The following PARP12 variants were observed in gnomAD, a reference collection of about 807,000 sequenced individuals.
The protein encoded by PARP12 is poly(ADP-ribose) polymerase family member 12.
In PARP12, 59 loss-of-function variants were observed where a neutral mutation model predicts 72.4. That is an observed-to-expected ratio of 0.81 (90% CI 0.66 to 1.01). The LOEUF (loss-of-function observed/expected upper bound fraction) is 1.01, where lower values mean the gene tolerates loss of function less well. Ranked by LOEUF, PARP12 falls within the 50% of genes least tolerant of loss-of-function variation. PARP12 has a pLI of 0.00. For synonymous variants in PARP12, 403 were observed against 371.4 expected (o/e 1.09, Z -0.98); for missense variants, 851 against 914.0 (o/e 0.93, Z 0.89).
intron 7 of PARP12, among the ~76,000 whole-genome samples, chr7:140,035,886 A>AGGAAGAGGAGGAGGAGGG (rs1569526839): frequency 2.2e-4 from 14 of 64,622 alleles, no homozygotes; most frequent in African/African-American, 1.0e-3. Context: ...GAGGAGGAAG[A>AGGAAGAGGAGGAGGAGGG]GGAAGAGGAG....
At chr7:140,045,905 A>C (rs922967543) in intron 5 of PARP12, among the ~76,000 whole-genome samples, 1 of 152,232 alleles carries the variant, frequency 6.6e-6, no homozygotes, top group Non-Finnish European at 1.5e-5. Context: ...ACAACAGTAC[A>C]TACCACACGG....
intron 1 of PARP12, among the ~76,000 whole-genome samples, chr7:140,059,092 T>C (rs1240303754): frequency 6.9e-6 from 1 of 144,298 alleles, no homozygotes; most frequent in Admixed American, 7.0e-5. Flanking sequence ...CGAGACTCTG[T>C]CTCAAAAAAA....
chr7:140,049,270 A>G (rs1816863901), intron 4 of PARP12, among the ~76,000 whole-genome samples: 1 of 152,212 alleles, frequency 6.6e-6, no homozygotes, highest in Non-Finnish European at 1.5e-5. Context: ...AACAAGGCTG[A>G]AAACAGCCAC....
intron 4 of PARP12, among the ~76,000 whole-genome samples, chr7:140,052,072 G>A (rs548267739): frequency 2.0e-4 from 30 of 152,246 alleles, no homozygotes; most frequent in African/African-American, 7.2e-4. Context: ...GATCCTACTG[G>A]TAAAGCCATG....
Position 140,057,879 on chromosome 7 carries a change from A to C in PARP12, c.462+20T>G. 6.2e-7 allele frequency: 1 copy of C among 1,613,862 alleles called. No homozygotes were observed. Among genetic ancestry groups the C allele is most frequent in the Non-Finnish European group, 8.5e-7 (1 of 1,179,934 alleles). On this transcript the variant is annotated intron_variant, in intron 2 of 11. Transcript: ENST00000263549. The stretch of plus-strand genomic sequence containing the variant: ...ATGTCCCCAGGGAGCTGTGGAACCC[A>C]GACTTCCCCTGGCACTCACTTCTGG...
intron 8 of PARP12, among the ~76,000 whole-genome samples, chr7:140,032,544 A>C (rs1314740632): frequency 6.6e-6 from 1 of 152,154 alleles, no homozygotes; most frequent in Non-Finnish European, 1.5e-5. Flanking sequence ...TTTTAATAGC[A>C]AAAGACTGAA....
At chr7:140,040,064 T>G (rs1467131527) in intron 6 of PARP12, among the ~76,000 whole-genome samples, 1 of 152,108 alleles carries the variant, frequency 6.6e-6, no homozygotes, top group Non-Finnish European at 1.5e-5. Context: ...GTCATCTCAT[T>G]CAGCAACCAG....
At position 140,024,663 on chromosome 7, in the gene PARP12, T is replaced by C; in HGVS notation, c.2003A>G (p.Gln668Arg). The C allele has an allele frequency of 6.2e-7, 1 of 1,614,108 alleles. No individual in the cohort carries two copies. The highest frequency in any genetic ancestry group is 8.5e-7 in the Non-Finnish European group (1 of 1,180,018). ...PSIFVIFEKH[Q>R]VYPEYVIQYT... is the part of the protein sequence containing the mutation. ...CTGGATGACATACTCTGGGTAGACC[T>C]GGTGTTTCTCAAAGATCACAAAGAT... The change falls in exon 12 of 12, where the codon CAG becomes CGG. Residue 668 changes from glutamine (Q) to arginine (R), a missense_variant. Physicochemically the swap from Gln to Arg is conservative, Grantham distance 43. This residue lies in a region of PARP12 where 347 missense variants were observed against 396.1 expected (regional missense o/e 0.88). Transcript: ENST00000263549.
At chr7:140,057,502 TC>T in intron 2 of PARP12, 1 of 334,484 alleles carries the variant, frequency 3.0e-6, no homozygotes, top group Non-Finnish European at 5.2e-6. Context: ...CACTGACTCA[TC>T]AACTCTCCCT....
Position 140,040,395 on chromosome 7 carries a change from G to A in PARP12, c.1182+1249C>T, listed in dbSNP as rs980108061. 2.0e-5 allele frequency among the ~76,000 whole-genome samples: 3 copies of A among 152,200 alleles called. No homozygotes were observed. The East Asian group carries it at 5.8e-4, about 29-fold the overall frequency. On this transcript the variant is annotated intron_variant, in intron 6 of 11. Transcript: ENST00000263549. ...AGCAAGCAAGGAGAGGCTGGTGCTG[G>A]CAAGAGGGGAGCAGGGGAGGAGAGG...
chr7:140,052,755 T>TGTGG (rs1817015652), intron 4 of PARP12, among the ~76,000 whole-genome samples: 2 of 151,812 alleles, frequency 1.3e-5, no homozygotes, highest in African/African-American at 4.8e-5. Flanking sequence ...TGTGTGTGTG[T>TGTGG]GTGTGTGTGT....
At chr7:140,042,424 G>C (rs541581856) in intron 5 of PARP12, among the ~76,000 whole-genome samples, 1 of 152,306 alleles carries the variant, frequency 6.6e-6, no homozygotes, top group African/African-American at 2.4e-5. Flanking sequence ...CTTTCTAAAC[G>C]CAGTACTGCC....
intron 4 of PARP12, 45 bp from the exon 5 acceptor site, chr7:140,047,052 G>A (rs1402211627): frequency 1.3e-6 from 2 of 1,570,786 alleles, no homozygotes; most frequent in South Asian, 1.2e-5. Flanking sequence ...GCAATACACA[G>A]CATGCCCTAG....
At position 140,024,012 on chromosome 7, in the gene PARP12, C is replaced by T. The variant is rs1380736698; in HGVS notation, c.*548G>A. 3 of 179,704 alleles carry T rather than the reference C, an allele frequency of 1.7e-5. No homozygotes were observed. Among genetic ancestry groups the T allele is most frequent in the Non-Finnish European group, 3.6e-5 (3 of 83,632 alleles). The allele number at this position is 179,704 out of a possible 1,614,324, so 11.1% of individuals were successfully genotyped here. A position where few individuals can be genotyped will look rare whatever the true frequency, so the allele number is the denominator to read the frequency against. On this transcript the variant is annotated 3_prime_UTR_variant, in exon 12 of 12. Transcript: ENST00000263549. ...GCAGGGACTCGATGGCACCACACAG[C>T]AGCCACCTGTTCTGACAATGTGACA...
intron 8 of PARP12, among the ~76,000 whole-genome samples, chr7:140,032,281 A>C (rs1815968344): frequency 1.3e-5 from 2 of 152,198 alleles, no homozygotes; most frequent in South Asian, 4.2e-4. Context: ...AAGCCCATGG[A>C]AAGGAATTTG....
chr7:140,062,898 G>A lies in PARP12; in HGVS notation c.-51C>T, dbSNP rs1404915042. ...CCGCGGGTGGCGCGACGCGGACGGC[G>A]GCGGACGCTGGCTGGCGGGCGGCTC... On this transcript the variant is annotated 5_prime_UTR_variant, in exon 1 of 12. Transcript: ENST00000263549. 6.6e-6 allele frequency: 8 copies of A among 1,216,198 alleles called. No individual in the cohort carries two copies. Among genetic ancestry groups the A allele is most frequent in the East Asian group, 3.5e-5 (1 of 28,278 alleles). The allele number at this position is 1,216,198 out of a possible 1,614,324, so 75.3% of individuals were successfully genotyped here.
rs766910024 is a variant in PARP12, at chr7:140,062,512, G to A, written c.326+10C>T. The A allele has an allele frequency of 1.6e-5, 25 of 1,538,232 alleles. No homozygotes were observed. The highest frequency in any genetic ancestry group is 2.0e-5 in the Non-Finnish European group (23 of 1,146,892). On this transcript the variant is annotated intron_variant, in intron 1 of 11. Transcript: ENST00000263549. ...CTCCGCCCGCCGTCGCTCCCGGCGC[G>A]GCGCCTTACCCGGCTCTCAGGAACT...
intron 7 of PARP12, 197 bp from the exon 8 acceptor site, chr7:140,034,528 G>C (rs1816076139): frequency 2.4e-6 from 1 of 410,196 alleles, no homozygotes; most frequent in Non-Finnish European, 4.5e-6. Flanking sequence ...TTAGGAGACT[G>C]GGTTTAATGA....
intron 1 of PARP12, among the ~76,000 whole-genome samples, chr7:140,059,967 A>T (rs952949524): frequency 4.6e-5 from 7 of 152,234 alleles, no homozygotes; most frequent in Admixed American, 3.3e-4. Context: ...ATTCCAGAAG[A>T]GGGGCAAATA....
Sources: gnomAD v4.1 joint callset for allele counts (sites outside exome capture counted in the v4.1 genomes callset) on GRCh38, gnomAD v4.1.1 for gene constraint, gnomAD v4.1.1 regional missense constraint, MANE v1.5 for transcripts, NCBI Gene and HGNC (gene_info 2026-07-23, HGNC 2026-07-21) for gene names.